ZCWPW2: variants seen among roughly 807,000 people sequenced by gnomAD.
The protein encoded by ZCWPW2 is zinc finger CW-type and PWWP domain containing 2.
Under a neutral mutation model 46.6 loss-of-function variants are expected in ZCWPW2, and 45 were observed. The observed-to-expected ratio is 0.96, with a 90% CI of 0.76 to 1.24. The LOEUF (loss-of-function observed/expected upper bound fraction) is 1.24. Ranked by LOEUF, ZCWPW2 falls within the 50% of genes most tolerant of loss-of-function variation. The probability of loss-of-function intolerance (pLI) is 0.00; values close to 1 mark genes in which losing one functional copy is unlikely to be tolerated. For missense variants in ZCWPW2, 429 were observed against 403.9 expected, an observed-to-expected ratio of 1.06 and a Z score of -0.53; for synonymous variants, 152 against 137.1, an observed-to-expected ratio of 1.11 and a Z score of -0.76.
intron 5 of ZCWPW2, among the ~76,000 whole-genome samples, chr3:28,479,939 ACCACATTTTCTTTAT>A (rs916032522): frequency 1.5e-4 from 23 of 152,106 alleles, no homozygotes; most frequent in Non-Finnish European, 2.5e-4. Flanking sequence ...CATTTTCTTT[ACCACATTTTCTTTAT>A]CCACATTTTC....
chr3:28,369,640 G>C (rs181586293), intron 1 of ZCWPW2, among the ~76,000 whole-genome samples: 294 of 152,346 alleles, frequency 1.9e-3, no homozygotes, highest in African/African-American at 6.6e-3. Flanking sequence ...TCCGTTCTCA[G>C]ATCTCCAGCT....
intron 1 of ZCWPW2, among the ~76,000 whole-genome samples, chr3:28,360,244 G>A (rs527605054): frequency 2.7e-5 from 4 of 150,204 alleles, no homozygotes; most frequent in East Asian, 2.0e-4. Flanking sequence ...GGTGGCTCAC[G>A]CCTGTAATTC....
At chr3:28,442,580 C>T (rs192695509) in intron 4 of ZCWPW2, among the ~76,000 whole-genome samples, 19 of 152,312 alleles carry the variant, frequency 1.2e-4, no homozygotes, top group African/African-American at 4.3e-4. Context: ...CTGGCCTTGC[C>T]AGCTGAAGGC....
chr3:28,379,881 G>C (rs552405461), intron 1 of ZCWPW2, among the ~76,000 whole-genome samples: 107 of 152,248 alleles, frequency 7.0e-4, no homozygotes, highest in African/African-American at 2.5e-3. Flanking sequence ...GGGTCAAAGG[G>C]ACAGGTGAAT....
chr3:28,470,280 GT>G (rs1308347950), intron 4 of ZCWPW2, among the ~76,000 whole-genome samples: 1 of 152,110 alleles, frequency 6.6e-6, no homozygotes, highest in Non-Finnish European at 1.5e-5. Context: ...AGATCATGAA[GT>G]CAGGAGACCG....
intron 3 of ZCWPW2, among the ~76,000 whole-genome samples, chr3:28,424,228 AACACACACACACACAC>A (rs55725925): frequency 1.4e-4 from 20 of 138,868 alleles, no homozygotes; most frequent in African/African-American, 4.3e-4. Flanking sequence ...GTCTTATTCC[AACACACACACACACAC>A]ACACACACAC....
At chr3:28,451,077 G>C (rs889168854) in intron 4 of ZCWPW2, among the ~76,000 whole-genome samples, 3 of 152,128 alleles carry the variant, frequency 2.0e-5, no homozygotes, top group African/African-American at 7.2e-5. Flanking sequence ...CACAGTGACT[G>C]GTAATGTTTG....
chr3:28,394,657 A>C (rs913077112), intron 2 of ZCWPW2, among the ~76,000 whole-genome samples: 1 of 152,144 alleles, frequency 6.6e-6, no homozygotes, highest in African/African-American at 2.4e-5. Context: ...CACAATGGGG[A>C]CAAGAATAGT....
At chr3:28,452,904 T>G (rs1027607653) in intron 4 of ZCWPW2, among the ~76,000 whole-genome samples, 2 of 152,182 alleles carry the variant, frequency 1.3e-5, no homozygotes, top group African/African-American at 2.4e-5. Context: ...TTAATGGTCT[T>G]TATCAACAAA....
chr3:28,501,978 C>T lies in ZCWPW2; in HGVS notation c.657+9805C>T, dbSNP rs1248133834. Among the ~76,000 whole-genome samples the T allele has an allele frequency of 4.6e-5, 7 of 152,120 alleles. No individual in the cohort carries two copies. In the South Asian group the frequency reaches 1.5e-3, roughly 32 times the overall value. On this transcript the variant is annotated intron_variant, in intron 6 of 9. Coordinates refer to ENST00000383768, the MANE Select transcript of ZCWPW2 (RefSeq NM_001040432.4). Reference sequence around the variant, plus strand: ...GCTCAAATAATCCTCCCACCTTGGCCTCCCGTAGTGCTGGGATTACAGGCA... The same window carrying T: ...GCTCAAATAATCCTCCCACCTTGGCTTCCCGTAGTGCTGGGATTACAGGCA...
intron 3 of ZCWPW2, among the ~76,000 whole-genome samples, chr3:28,432,461 T>A (rs1273920252): frequency 6.6e-6 from 1 of 152,230 alleles, no homozygotes; most frequent in East Asian, 1.9e-4. Flanking sequence ...ATATTTTATA[T>A]CTTGATCTGT....
chr3:28,419,924 T>TG (rs1696694223), intron 3 of ZCWPW2, among the ~76,000 whole-genome samples: 1 of 107,100 alleles, frequency 9.3e-6, no homozygotes. Flanking sequence ...GGGACTGTTG[T>TG]GGGGTGGGGG....
In ZCWPW2 at chr3:28,406,858, C is replaced by T. The variant is rs141132869; in HGVS notation, c.-13-6198C>T. On this transcript the variant is annotated intron_variant, in intron 2 of 9. Coordinates refer to ENST00000383768, the MANE Select transcript of ZCWPW2 (RefSeq NM_001040432.4). ...TTTTTTTTTTTGACAGACAAGGTCT[C>T]GGTCTGTCACCCAGGCTACACTGCA... Among the ~76,000 whole-genome samples, 364 of 142,918 alleles carry T rather than the reference C, an allele frequency of 2.5e-3. 1 individual carries two copies. Among genetic ancestry groups the T allele is most frequent in the African/African-American group, 8.6e-3 (330 of 38,298 alleles). The allele number at this position is 142,918 out of a possible 152,430, so 93.8% of individuals were successfully genotyped here.
rs1698400340 is a variant in ZCWPW2 at position 28,455,795 on chromosome 3, G to A, written c.492+20526G>A. On this transcript the variant is annotated intron_variant, in intron 4 of 9. Transcript: ENST00000383768. ...GTTTTGTTTAAGATCAGATAACTTA[G>A]ATGTGGGGCCTTATTTCTGGGTTCT... Among the ~76,000 whole-genome samples the A allele has an allele frequency of 2.6e-5, 4 of 152,048 alleles. No homozygotes were observed. In the South Asian group the frequency reaches 8.3e-4, roughly 32 times the overall value.
chr3:28,360,126 G>A (rs528833430), intron 1 of ZCWPW2, among the ~76,000 whole-genome samples: 2 of 151,860 alleles, frequency 1.3e-5, no homozygotes, highest in African/African-American at 4.8e-5. Flanking sequence ...TATTAATAAT[G>A]TATACATTAA....
At chr3:28,483,549 T>C (rs1699501097) in intron 5 of ZCWPW2, among the ~76,000 whole-genome samples, 1 of 152,218 alleles carries the variant, frequency 6.6e-6, no homozygotes, top group Non-Finnish European at 1.5e-5. Context: ...ATTGGGATTA[T>C]ATTGAATTTA....
In ZCWPW2 at chr3:28,525,580, T is replaced by C. The variant is rs1405776939; in HGVS notation, c.*892T>C. ...AACCAAAGCTTGAGGAGAGAAGAAG[T>C]GCACGAGAGCATCACCACAGCGGTG... On this transcript the variant is annotated 3_prime_UTR_variant, in exon 10 of 10. Coordinates refer to ENST00000383768, the MANE Select transcript of ZCWPW2 (RefSeq NM_001040432.4). Among the ~76,000 whole-genome samples, 1 of 152,066 alleles carries C rather than the reference T, an allele frequency of 6.6e-6. No individual in the cohort carries two copies. The highest frequency in any genetic ancestry group is 1.5e-5 in the Non-Finnish European group (1 of 68,012).
At chr3:28,489,044 T>C (rs1699707635) in intron 5 of ZCWPW2, among the ~76,000 whole-genome samples, 1 of 152,166 alleles carries the variant, frequency 6.6e-6, no homozygotes, top group Non-Finnish European at 1.5e-5. Flanking sequence ...TATTGGAAGA[T>C]GGTTTTTATA....
At chr3:28,431,498 C>T (rs1010145665) in intron 3 of ZCWPW2, among the ~76,000 whole-genome samples, 1 of 151,940 alleles carries the variant, frequency 6.6e-6, no homozygotes, top group African/African-American at 2.4e-5. Context: ...CATTTCTTCT[C>T]CTTATAAGGA....
Sources: gnomAD v4.1 joint callset for allele counts (sites outside exome capture counted in the v4.1 genomes callset) on GRCh38, gnomAD v4.1.1 for gene constraint, MANE v1.5 for transcripts, NCBI Gene and HGNC (gene_info 2026-07-23, HGNC 2026-07-21) for gene names.